Variants in TOMM40 observed in about 807,000 individuals in gnomAD.
TOMM40 encodes translocase of outer mitochondrial membrane 40.
In TOMM40, 9 loss-of-function variants were observed where a neutral mutation model predicts 38.4. The ratio of observed to expected loss-of-function variants is 0.23; its 90% CI spans 0.14 to 0.41. The LOEUF (loss-of-function observed/expected upper bound fraction) is 0.41. Ranked by LOEUF, TOMM40 falls within the 10% of genes least tolerant of loss-of-function variation. The probability of loss-of-function intolerance (pLI) is 1.00; values close to 1 mark genes in which losing one functional copy is unlikely to be tolerated. For missense variants in TOMM40, 299 were observed against 486.5 expected (o/e 0.61, Z 3.63); for synonymous variants, 184 against 210.0 (o/e 0.88, Z 1.07).
chr19:44,894,261 C>CTTT (rs35647923), intron 5 of TOMM40, among the ~76,000 whole-genome samples, 195 bp downstream of exon 5: 2,188 of 133,570 alleles, frequency 0.016, 183 homozygotes, highest in African/African-American at 0.051. Context: ...TCAGAGCAGT[C>CTTT]TTTTTTTTTT....
intron 5 of TOMM40, among the ~76,000 whole-genome samples, chr19:44,894,719 C>G (rs949157473): frequency 2.0e-5 from 3 of 152,218 alleles, no homozygotes; most frequent in South Asian, 4.1e-4. Context: ...TGAGCCACCT[C>G]GCCTGGCCAG....
At chr19:44,895,060 T>A (rs903911626) in intron 5 of TOMM40, among the ~76,000 whole-genome samples, 2 of 152,094 alleles carry the variant, frequency 1.3e-5, no homozygotes, top group Non-Finnish European at 1.5e-5. Flanking sequence ...GGATGGAGTT[T>A]CGGATTGCCA....
chr19:44,901,005 G>A (rs371479670), intron 6 of TOMM40, 23 bp from the exon 7 acceptor site: 25 of 1,613,588 alleles, frequency 1.5e-5, no homozygotes, highest in Middle Eastern at 1.7e-4. Context: ...ATGAGACCCC[G>A]CCTCCACCCC....
intron 5 of TOMM40, among the ~76,000 whole-genome samples, chr19:44,897,089 C>T (rs990172414): frequency 1.2e-4 from 18 of 152,014 alleles, no homozygotes; most frequent in African/African-American, 3.6e-4. Context: ...TCTCAGGGCA[C>T]GAGGGAGCCA....
intron 2 of TOMM40, 43 bp downstream of exon 2, chr19:44,892,503 C>T (rs1428210946): frequency 1.9e-6 from 3 of 1,577,770 alleles, no homozygotes; most frequent in African/African-American, 1.4e-5. Context: ...ATCGTCCCCG[C>T]CGTCCCCCTC....
chr19:44,895,349 A>AGGG (rs1271610307), intron 5 of TOMM40, among the ~76,000 whole-genome samples: 1 of 152,076 alleles, frequency 6.6e-6, no homozygotes, highest in Non-Finnish European at 1.5e-5. Flanking sequence ...GGGTGAGGGA[A>AGGG]GGGAAGGGCC....
chr19:44,892,875 C>A lies in TOMM40; in HGVS notation c.381C>A (p.Ser127=), dbSNP rs1330056408. ...TAGCCCTCAGCACAATCGGGGAGTC[C>A]AACTACCACTTCGGGGTCACATATG... ...HTVALSTIGE[S]NYHFGVTYVG... is the part of the protein sequence containing the mutation. Residue 127 remains serine, a synonymous_variant, in exon 3 of 9, where the codon TCC becomes TCA. Coordinates refer to ENST00000426677, the MANE Select transcript of TOMM40 (RefSeq NM_001128917.2). 1 of 1,613,948 alleles carries A rather than the reference C, an allele frequency of 6.2e-7. No homozygotes were observed. The highest frequency in any genetic ancestry group is 1.7e-5 in the Admixed American group (1 of 60,016).
chr19:44,897,788 A>AG (rs1325094971), intron 5 of TOMM40, among the ~76,000 whole-genome samples: 1 of 147,176 alleles, frequency 6.8e-6, no homozygotes, highest in Non-Finnish European at 1.5e-5. Context: ...AAAAAAAAAA[A>AG]AAAGAGAGAG....
rs776440061 is a variant in TOMM40, at chr19:44,892,390, C to T, written c.275-3C>T. 25 of 1,613,688 alleles carry T rather than the reference C, an allele frequency of 1.5e-5. No individual in the cohort carries two copies. The highest frequency in any genetic ancestry group is 4.0e-5 in the African/African-American group (3 of 74,842). ...GGAGTGTGACAGCGTTTCTCTTCTCCAGAGCTGTTTCCCATTCAGATGGAG... is the reference window on the plus strand; with the variant it reads ...GGAGTGTGACAGCGTTTCTCTTCTCTAGAGCTGTTTCCCATTCAGATGGAG... On this transcript the variant is annotated splice_polypyrimidine_tract_variant and splice_region_variant and intron_variant, in intron 1 of 8. Coordinates refer to ENST00000426677, the MANE Select transcript of TOMM40 (RefSeq NM_001128917.2).
At position 44,894,060 on chromosome 19, in the gene TOMM40, G is replaced by A. The variant is rs756920808; in HGVS notation, c.637G>A (p.Gly213Ser). The A allele has an allele frequency of 2.0e-6, 3 of 1,508,830 alleles. No homozygotes were observed. The highest frequency in any genetic ancestry group is 2.3e-5 in the East Asian group (1 of 42,790). 93.5% of individuals were successfully genotyped at this position (1,508,830 alleles called of 1,614,324 possible). A position where few individuals can be genotyped will look rare whatever the true frequency, so the allele number is the denominator to read the frequency against. The change falls in exon 5 of 9, where the codon GGT (glycine) becomes AGT (serine). Residue 213 changes from glycine to serine, a missense_variant. Coordinates refer to ENST00000426677, the MANE Select transcript of TOMM40 (RefSeq NM_001128917.2). ...CCTGGGGAACCCAGACGTCCTCGTG[G>A]GTTCAGGTAAGAGGCGGAGGGCTTG... ...VTLGNPDVLV[G>S]SGILVAHYLQ...
At position 44,891,405 on chromosome 19, in the gene TOMM40, AG is replaced by A. The variant is rs1969459228; in HGVS notation, c.-10del. 2 of 1,283,722 alleles carry A rather than the reference AG, an allele frequency of 1.6e-6. No homozygotes were observed. Among genetic ancestry groups the A allele is most frequent in the Non-Finnish European group, 9.8e-7 (1 of 1,019,328 alleles). The allele number at this position is 1,283,722 out of a possible 1,614,324, so 79.5% of individuals were successfully genotyped here. A position where few individuals can be genotyped will look rare whatever the true frequency, so the allele number is the denominator to read the frequency against. On this transcript the variant is annotated 5_prime_UTR_variant, in exon 1 of 9. Transcript: ENST00000426677. ...ACCTCTGCCCTCTGACCTCTCCCCT[AG>A]CAGGCGACCATGGGGAACGTGTTGG...
At chr19:44,896,220 G>A (rs1969563234) in intron 5 of TOMM40, among the ~76,000 whole-genome samples, 3 of 152,142 alleles carry the variant, frequency 2.0e-5, no homozygotes, top group Admixed American at 1.3e-4. Flanking sequence ...CCTTCCCCCA[G>A]ACACCAGTGA....
chr19:44,898,525 C>CTTTTTTTTTTTTTTTTTTTTT (rs71173106), intron 5 of TOMM40, among the ~76,000 whole-genome samples: 3 of 88,990 alleles, frequency 3.4e-5, no homozygotes, highest in African/African-American at 4.4e-5. Context: ...TTTTTTTTTT[C>CTTTTTTTTTTTTTTTTTTTTT]TTTTTTTTTT....
intron 3 of TOMM40, 43 bp downstream of exon 3, chr19:44,892,972 C>A: frequency 6.5e-7 from 1 of 1,535,132 alleles, no homozygotes; most frequent in Non-Finnish European, 8.9e-7. Flanking sequence ...CTTCTAATAA[C>A]AAATTTGTAG....
rs1250871396 is a variant in TOMM40 at position 44,901,058 on chromosome 19, G to A, written c.797G>A (p.Gly266Asp). 6.2e-7 allele frequency: 1 copy of A among 1,614,250 alleles called. No homozygotes were observed. Among genetic ancestry groups the A allele is most frequent in the Non-Finnish European group, 8.5e-7 (1 of 1,180,048 alleles). The change falls in exon 7 of 9, where the codon GGC (glycine) becomes GAC (aspartate). Residue 266 changes from glycine (G) to aspartate (D), a missense_variant. Gly to Asp is a moderately conservative substitution (Grantham distance 94). Coordinates refer to ENST00000426677, the MANE Select transcript of TOMM40 (RefSeq NM_001128917.2). ...AACTGGTTGGCAACGGTAACGTTGG[G>A]CCAGGCGGGCATGCACGCAACATAC... Reference protein sequence around the residue: ...LNNWLATVTLGQAGMHATYYH... With the variant: ...LNNWLATVTLDQAGMHATYYH...
intron 5 of TOMM40, among the ~76,000 whole-genome samples, chr19:44,895,397 C>T (rs1414303624): frequency 3.3e-5 from 5 of 152,086 alleles, no homozygotes; most frequent in African/African-American, 9.7e-5. Flanking sequence ...GCTGGAGGTG[C>T]AGCAGGTGCA....
chr19:44,891,256 G>C lies in TOMM40; in HGVS notation c.-160G>C, dbSNP rs1405221684. On this transcript the variant is annotated 5_prime_UTR_variant, in exon 1 of 9. Transcript: ENST00000426677. ...GGTGGCGGCGGCGGCAGCGGGTTCGGTTGCGCGTGGCGCACGGGGTGGGAG... is the reference window on the plus strand; with the variant it reads ...GGTGGCGGCGGCGGCAGCGGGTTCGCTTGCGCGTGGCGCACGGGGTGGGAG... The C allele has an allele frequency of 1.0e-5, 11 of 1,088,108 alleles. No individual in the cohort carries two copies. The highest frequency in any genetic ancestry group is 1.3e-5 in the Non-Finnish European group (11 of 864,684). 67.4% of individuals were successfully genotyped at this position (1,088,108 alleles called of 1,614,324 possible).
chr19:44,897,118 G>T (rs1969580078), intron 5 of TOMM40, among the ~76,000 whole-genome samples: 1 of 152,130 alleles, frequency 6.6e-6, no homozygotes, highest in African/African-American at 2.4e-5. Flanking sequence ...TCTGGGCAGG[G>T]GGTCAACAGG....
intron 5 of TOMM40, among the ~76,000 whole-genome samples, chr19:44,896,830 G>A (rs1266573809): frequency 1.3e-5 from 2 of 152,182 alleles, no homozygotes; most frequent in Admixed American, 6.5e-5. Flanking sequence ...TGAGGTGGGC[G>A]GATCGCTTGA....
Sources: gnomAD v4.1 joint callset for allele counts (sites outside exome capture counted in the v4.1 genomes callset) on GRCh38, gnomAD v4.1.1 for gene constraint, MANE v1.5 for transcripts, NCBI Gene and HGNC (gene_info 2026-07-23, HGNC 2026-07-21) for gene names.